The following RTTN variants were observed in gnomAD, a reference collection of about 807,000 sequenced individuals.
The protein encoded by RTTN is rotatin.
Under a neutral mutation model 269.2 loss-of-function variants are expected in RTTN, and 182 were observed. That is an observed-to-expected ratio of 0.68 (90% CI 0.60 to 0.76). The LOEUF (loss-of-function observed/expected upper bound fraction) is 0.76. RTTN is among the 30% of genes least tolerant of loss of function. The pLI, the probability that RTTN is intolerant of heterozygous loss-of-function variation, is 0.00. For missense variants in RTTN, 2,545 were observed against 2,608.6 expected, an observed-to-expected ratio of 0.98 and a Z score of 0.53; for synonymous variants, 1,006 against 963.5, an observed-to-expected ratio of 1.04 and a Z score of -0.82.
At chr18:70,158,169 G>C (rs1405431609) in intron 14 of RTTN, among the ~76,000 whole-genome samples, 1 of 151,752 alleles carries the variant, frequency 6.6e-6, no homozygotes. Context: ...AAGGTCAACA[G>C]GAAAGAAAAA....
chr18:70,067,104 G>A (rs2058156105), intron 34 of RTTN, among the ~76,000 whole-genome samples: 1 of 151,304 alleles, frequency 6.6e-6, no homozygotes, highest in Admixed American at 6.6e-5. Context: ...AACATCAAAT[G>A]CCTTATTTTA....
chr18:70,145,870 C>G (rs2060377607), intron 17 of RTTN, 87 bp from the exon 18 acceptor site: 3 of 995,900 alleles, frequency 3.0e-6, no homozygotes, highest in Non-Finnish European at 4.4e-6. Flanking sequence ...AATTATATAT[C>G]AACAAAGTAC....
chr18:70,041,718 G>A (rs1463014493), intron 40 of RTTN, among the ~76,000 whole-genome samples: 2 of 152,108 alleles, frequency 1.3e-5, no homozygotes, highest in Non-Finnish European at 2.9e-5. Flanking sequence ...ATTCTGAACT[G>A]GCAGAGACAG....
At chr18:70,179,486 T>G (rs1358950101) in intron 10 of RTTN, among the ~76,000 whole-genome samples, 1 of 152,212 alleles carries the variant, frequency 6.6e-6, no homozygotes, top group Non-Finnish European at 1.5e-5. Flanking sequence ...CTTTTTGTAT[T>G]GTTTTGTTTT....
chr18:70,180,920 T>C (rs773064400), intron 10 of RTTN, among the ~76,000 whole-genome samples: 6 of 152,214 alleles, frequency 3.9e-5, no homozygotes, highest in Non-Finnish European at 8.8e-5. Flanking sequence ...TTATTTGATA[T>C]CCCAAGTGCC....
Position 70,168,925 on chromosome 18 carries a change from T to C in RTTN, c.1619A>G (p.Tyr540Cys), listed in dbSNP as rs776537836. ...EQLNSENYSI[Y>C]KRTAEAVYSI... ...ATAAACGGCCTCTGCAGTTCGTTTA[T>C]AAATACTGTAGTTTTCAGAATTCAG... Residue 540 changes from tyrosine (Y) to cysteine (C), a missense_variant, in exon 12 of 49, where the codon TAT (tyrosine) becomes TGT (cysteine). Physicochemically the swap from Tyr to Cys is radical, Grantham distance 194. Transcript: ENST00000640769. 1.3e-5 allele frequency: 21 copies of C among 1,613,420 alleles called. No homozygotes were observed. Among genetic ancestry groups the C allele is most frequent in the Non-Finnish European group, 1.7e-5 (20 of 1,179,798 alleles).
chr18:70,094,251 C>T (rs2058934787), intron 28 of RTTN, among the ~76,000 whole-genome samples: 1 of 152,120 alleles, frequency 6.6e-6, no homozygotes, highest in Admixed American at 6.5e-5. Flanking sequence ...ACACCAGCTC[C>T]TGGATTCATT....
At chr18:70,028,898 C>T (rs537608956) in intron 42 of RTTN, 97 bp from the exon 43 acceptor site, 22 of 736,456 alleles carry the variant, frequency 3.0e-5, no homozygotes, top group Non-Finnish European at 4.6e-5. Context: ...CGGGACAATG[C>T]AGGTGTGCTC....
At chr18:70,161,110 A>AGAATAT (rs2060817371) in intron 14 of RTTN, among the ~76,000 whole-genome samples, 2 of 152,240 alleles carry the variant, frequency 1.3e-5, no homozygotes, top group Non-Finnish European at 2.9e-5. Context: ...CTATGGGGCT[A>AGAATAT]CAGTAACCAA....
At chr18:70,032,100 G>A (rs912956321) in intron 40 of RTTN, among the ~76,000 whole-genome samples, 8 of 152,208 alleles carry the variant, frequency 5.3e-5, no homozygotes, top group East Asian at 1.9e-4. Context: ...TGTCTATAGC[G>A]GAGCATGGCC....
intron 30 of RTTN, among the ~76,000 whole-genome samples, chr18:70,088,792 T>G (rs543491002): frequency 6.6e-6 from 1 of 152,272 alleles, no homozygotes; most frequent in South Asian, 2.1e-4. Flanking sequence ...AAGTAGTAAG[T>G]CCAAGTTCAA....
At chr18:70,152,897 T>A (rs1389418178) in intron 14 of RTTN, among the ~76,000 whole-genome samples, 1 of 152,204 alleles carries the variant, frequency 6.6e-6, no homozygotes, top group Non-Finnish European at 1.5e-5. Flanking sequence ...GTTAAAATCA[T>A]TCATAGCATC....
intron 19 of RTTN, 28 bp from the exon 20 acceptor site, chr18:70,140,216 T>TA: frequency 7.6e-7 from 1 of 1,320,340 alleles, no homozygotes; most frequent in Non-Finnish European, 1.1e-6. Context: ...TACTAAAAGT[T>TA]AAAGCACATT....
At chr18:70,050,869 C>A (rs1204541133) in intron 39 of RTTN, among the ~76,000 whole-genome samples, 1 of 152,064 alleles carries the variant, frequency 6.6e-6, no homozygotes, top group Non-Finnish European at 1.5e-5. Context: ...GAGAGATGAA[C>A]AATGAGAACA....
intron 40 of RTTN, among the ~76,000 whole-genome samples, chr18:70,041,278 G>A (rs1202122291): frequency 6.6e-6 from 1 of 151,938 alleles, no homozygotes; most frequent in East Asian, 1.9e-4. Context: ...GCAATTGGGA[G>A]CAGGGTTGGG....
chr18:70,061,859 A>G (rs886246102), intron 35 of RTTN, among the ~76,000 whole-genome samples: 21 of 152,178 alleles, frequency 1.4e-4, no homozygotes, highest in African/African-American at 5.1e-4. Context: ...ATTGATTCAT[A>G]CTGAAAGCTC....
At chr18:70,074,095 A>C in intron 33 of RTTN, 101 bp from the exon 34 acceptor site, 2 of 738,666 alleles carry the variant, frequency 2.7e-6, no homozygotes, top group Non-Finnish European at 4.4e-6. Context: ...AAACTAAAGA[A>C]AGGAAAAAAC....
chr18:70,038,478 G>C (rs1446418368), intron 40 of RTTN, among the ~76,000 whole-genome samples: 1 of 152,156 alleles, frequency 6.6e-6, no homozygotes, highest in African/African-American at 2.4e-5. Context: ...TGGTAATCTG[G>C]AGAATTCTTC....
intron 32 of RTTN, among the ~76,000 whole-genome samples, chr18:70,078,811 A>G (rs2058490855): frequency 6.6e-6 from 1 of 152,088 alleles, no homozygotes; most frequent in Non-Finnish European, 1.5e-5. Flanking sequence ...AGTAAAAATA[A>G]AACTATTAAA....
Sources: allele counts gnomAD v4.1 joint callset (sites outside exome capture counted in the v4.1 genomes callset), GRCh38; gene constraint gnomAD v4.1.1; transcripts MANE v1.5; gene names NCBI Gene and HGNC (gene_info 2026-07-23, HGNC 2026-07-21).